DLG2: variants seen among roughly 807,000 people sequenced by gnomAD.
DLG2 encodes the protein disks large homolog 2.
DLG2 carries 45 observed loss-of-function variants against 132.5 expected under a neutral mutation model. The observed-to-expected ratio is 0.34, with a 90% CI of 0.27 to 0.44. The LOEUF is 0.44. Among genes scored for constraint, DLG2 ranks in the 20% least tolerant of loss-of-function variants. The pLI is 1.00. For synonymous variants in DLG2, 424 were observed against 419.6 expected (o/e 1.01, Z -0.13); for missense variants, 1,045 against 1,196.9 (o/e 0.87, Z 1.87).
At chr11:85,599,785 C>T (rs143159659) in intron 2 of DLG2, among the ~76,000 whole-genome samples, 65 of 152,244 alleles carry the variant, frequency 4.3e-4, no homozygotes, top group Admixed American at 2.9e-3. Context: ...ACGAATTTGT[C>T]GGCAGTCTTA....
intron 19 of DLG2, among the ~76,000 whole-genome samples, chr11:83,557,205 T>C (rs1052252660): frequency 6.6e-6 from 1 of 152,146 alleles, no homozygotes; most frequent in Non-Finnish European, 1.5e-5. Context: ...ATGAGACTAA[T>C]AGGCAAAAAA....
chr11:84,161,659 A>C (rs1017925739), intron 9 of DLG2, among the ~76,000 whole-genome samples: 1 of 152,158 alleles, frequency 6.6e-6, no homozygotes, highest in African/African-American at 2.4e-5. Flanking sequence ...GCAACTAAAT[A>C]GTGTTCTATT....
intron 6 of DLG2, among the ~76,000 whole-genome samples, chr11:84,958,852 C>T (rs2052097306): frequency 1.3e-5 from 2 of 152,162 alleles, no homozygotes; most frequent in Non-Finnish European, 2.9e-5. Context: ...TCCTAAAAGA[C>T]ATCTATGTTC....
At chr11:85,096,401 A>G (rs1166572294) in intron 6 of DLG2, among the ~76,000 whole-genome samples, 1 of 152,094 alleles carries the variant, frequency 6.6e-6, no homozygotes, top group East Asian at 1.9e-4. Flanking sequence ...CGGGAGGAAC[A>G]AACAACTCCA....
chr11:85,092,618 G>A (rs1389293208), intron 6 of DLG2, among the ~76,000 whole-genome samples: 3 of 149,130 alleles, frequency 2.0e-5, no homozygotes, highest in Non-Finnish European at 4.4e-5. Context: ...CATAGCAAGC[G>A]TATATATTTA....
intron 3 of DLG2, among the ~76,000 whole-genome samples, chr11:85,371,938 A>G (rs2085013751): frequency 6.6e-6 from 1 of 152,216 alleles, no homozygotes; most frequent in Non-Finnish European, 1.5e-5. Context: ...TTTGCAAACC[A>G]CTCAGTCCTG....
chr11:83,494,026 T>A (rs2094014373), intron 21 of DLG2, among the ~76,000 whole-genome samples: 1 of 152,122 alleles, frequency 6.6e-6, no homozygotes, highest in African/African-American at 2.4e-5. Flanking sequence ...TTCCTATGAC[T>A]GTCTACCATA....
intron 3 of DLG2, among the ~76,000 whole-genome samples, chr11:85,438,943 T>C (rs570511270): frequency 9.8e-5 from 15 of 152,358 alleles, no homozygotes; most frequent in African/African-American, 3.6e-4. Flanking sequence ...TCATATATTA[T>C]GTAACCTTTT....
intron 6 of DLG2, among the ~76,000 whole-genome samples, chr11:84,960,381 C>G (rs2052368653): frequency 6.6e-6 from 1 of 152,024 alleles, no homozygotes; most frequent in Non-Finnish European, 1.5e-5. Flanking sequence ...TCCAACTCCT[C>G]TTATATTTGA....
At position 85,411,882 on chromosome 11, in the gene DLG2, C is replaced by A. The variant is rs550010505; in HGVS notation, c.41-126517G>T. On this transcript the variant is annotated intron_variant, in intron 3 of 27. Transcript: ENST00000376104. ...ATCACAAATAAGAAAAAGCCCTCCA[C>A]TTCTACACCTCTGACTGCAGTGTCT... is the stretch of plus-strand genomic sequence containing the variant. Among the ~76,000 whole-genome samples, 4 of 151,958 alleles carry A rather than the reference C, an allele frequency of 2.6e-5. No homozygotes were observed. In the South Asian group the frequency reaches 8.3e-4, roughly 32 times the overall value.
chr11:85,398,488 G>A (rs935963789), intron 3 of DLG2, among the ~76,000 whole-genome samples: 10 of 152,024 alleles, frequency 6.6e-5, no homozygotes, highest in African/African-American at 2.2e-4. Flanking sequence ...ATGAATCCAG[G>A]AGCTGGATTT....
chr11:85,307,387 A>T (rs1303797020), intron 3 of DLG2, among the ~76,000 whole-genome samples: 1 of 152,232 alleles, frequency 6.6e-6, no homozygotes, highest in Non-Finnish European at 1.5e-5. Flanking sequence ...AAAGAGAAAA[A>T]GAACTAAAAT....
chr11:84,270,063 A>G lies in DLG2; in HGVS notation c.520-18772T>C, dbSNP rs568871719. On this transcript the variant is annotated intron_variant, in intron 7 of 27. Coordinates refer to ENST00000376104, the MANE Select transcript of DLG2 (RefSeq NM_001142699.3). ...ACACAGGCCAGTCTCTATGAAAAGA[A>G]CTACTAATTATGAGACTGTTTTTAT... Among the ~76,000 whole-genome samples the G allele has an allele frequency of 5.3e-5, 8 of 152,350 alleles. No homozygotes were observed. In the East Asian group the frequency reaches 1.5e-3, roughly 29 times the overall value.
chr11:83,803,193 C>A (rs1435161093), intron 17 of DLG2, among the ~76,000 whole-genome samples: 1 of 152,058 alleles, frequency 6.6e-6, no homozygotes, highest in Non-Finnish European at 1.5e-5. Context: ...TTGTGCCAGT[C>A]ATTGTGCTAT....
chr11:84,338,772 C>T (rs951130760), intron 7 of DLG2, among the ~76,000 whole-genome samples: 1 of 152,120 alleles, frequency 6.6e-6, no homozygotes, highest in African/African-American at 2.4e-5. Flanking sequence ...CGCCACTGCA[C>T]TCCAGCCTGG....
At chr11:84,249,717 ATTGCTTTGT>A (rs999652699) in intron 8 of DLG2, among the ~76,000 whole-genome samples, 3 of 152,166 alleles carry the variant, frequency 2.0e-5, no homozygotes, top group African/African-American at 7.2e-5. Context: ...CCTTTAAGAC[ATTGCTTTGT>A]TTGCTTCTAC....
chr11:85,365,156 C>T (rs1214887341), intron 3 of DLG2, among the ~76,000 whole-genome samples: 1 of 152,116 alleles, frequency 6.6e-6, no homozygotes, highest in Non-Finnish European at 1.5e-5. Flanking sequence ...CATTAGCAAA[C>T]CTAGGACGGC....
At chr11:84,726,271 T>A (rs771992627) in intron 6 of DLG2, among the ~76,000 whole-genome samples, 2 of 152,024 alleles carry the variant, frequency 1.3e-5, no homozygotes, top group African/African-American at 4.8e-5. Context: ...CCATACCCCC[T>A]ACCCCCAGGC....
intron 11 of DLG2, among the ~76,000 whole-genome samples, chr11:84,040,413 G>A (rs1284977563): frequency 2.6e-5 from 4 of 151,324 alleles, no homozygotes; most frequent in East Asian, 3.9e-4. Flanking sequence ...TGTAAGGAAG[G>A]GATCCAGTTT....
Sources: allele counts gnomAD v4.1 joint callset (sites outside exome capture counted in the v4.1 genomes callset), GRCh38; gene constraint gnomAD v4.1.1; transcripts MANE v1.5; gene names NCBI Gene and HGNC (gene_info 2026-07-23, HGNC 2026-07-21).